ADGRL3: variants seen among roughly 807,000 people sequenced by gnomAD.
ADGRL3 encodes the protein calcium-independent alpha-latrotoxin receptor 3.
Under a neutral mutation model 153.5 loss-of-function variants are expected in ADGRL3, and 62 were observed. The ratio of observed to expected loss-of-function variants is 0.40; its 90% CI spans 0.33 to 0.50. ADGRL3 has a LOEUF of 0.50. Among genes scored for constraint, ADGRL3 ranks in the 20% least tolerant of loss-of-function variants. The pLI, the probability that ADGRL3 is intolerant of heterozygous loss-of-function variation, is 0.47. For missense variants in ADGRL3, 1,641 were observed against 1,859.4 expected (o/e 0.88, Z 2.16); for synonymous variants, 710 against 672.5 (o/e 1.06, Z -0.86).
intron 5 of ADGRL3, among the ~76,000 whole-genome samples, chr4:61,635,044 A>G (rs532178656): frequency 2.5e-4 from 38 of 152,132 alleles, no homozygotes; most frequent in Non-Finnish European, 5.0e-4. Flanking sequence ...GAGCAGGCGT[A>G]CTGAGTCTAC....
intron 1 of ADGRL3, among the ~76,000 whole-genome samples, chr4:61,216,773 G>A (rs898072220): frequency 6.6e-6 from 1 of 152,154 alleles, no homozygotes; most frequent in Non-Finnish European, 1.5e-5. Context: ...CACTGGAAAA[G>A]TTACTTCACT....
intron 13 of ADGRL3, among the ~76,000 whole-genome samples, chr4:61,922,706 T>C (rs996160810): frequency 6.6e-6 from 1 of 152,182 alleles, no homozygotes; most frequent in African/African-American, 2.4e-5. Context: ...GATTTATTCA[T>C]TCATTCAATC....
chr4:61,392,719 T>TAAAAAAAAAAA (rs2096827304), intron 2 of ADGRL3, among the ~76,000 whole-genome samples: 1 of 61,510 alleles, frequency 1.6e-5, no homozygotes, highest in Non-Finnish European at 3.5e-5. Flanking sequence ...AAAAGGAAAA[T>TAAAAAAAAAAA]AAAGAAAGAG....
chr4:61,496,591 G>A (rs560762954), intron 2 of ADGRL3, among the ~76,000 whole-genome samples: 7 of 151,844 alleles, frequency 4.6e-5, no homozygotes, highest in Non-Finnish European at 1.0e-4. Flanking sequence ...GCAGTGAGCC[G>A]AGATCGTGCC....
chr4:61,684,406 T>A (rs940269666), intron 6 of ADGRL3, among the ~76,000 whole-genome samples: 1 of 152,084 alleles, frequency 6.6e-6, no homozygotes, highest in Non-Finnish European at 1.5e-5. Flanking sequence ...TCCTAGACAG[T>A]CTCATCAGGA....
intron 5 of ADGRL3, among the ~76,000 whole-genome samples, chr4:61,644,273 T>TTTTGTG (rs567743767): frequency 4.7e-5 from 7 of 149,414 alleles, no homozygotes; most frequent in African/African-American, 1.2e-4. Context: ...GAAGGGTTTT[T>TTTTGTG]TGTGTCTCTA....
At chr4:61,377,226 C>T (rs1305538820) in intron 1 of ADGRL3, among the ~76,000 whole-genome samples, 1 of 152,026 alleles carries the variant, frequency 6.6e-6, no homozygotes, top group Non-Finnish European at 1.5e-5. Flanking sequence ...CTATCCTACC[C>T]TACCTTATAT....
intron 5 of ADGRL3, among the ~76,000 whole-genome samples, chr4:61,663,195 G>T (rs1486866415): frequency 6.6e-6 from 1 of 152,192 alleles, no homozygotes; most frequent in Non-Finnish European, 1.5e-5. Flanking sequence ...TGTGGGTGAT[G>T]GGAAGGAGAG....
chr4:61,897,120 T>C (rs2098636205), intron 11 of ADGRL3, among the ~76,000 whole-genome samples: 1 of 152,170 alleles, frequency 6.6e-6, no homozygotes, highest in African/African-American at 2.4e-5. Flanking sequence ...CAAAAGATAA[T>C]TCCTTTCAAA....
intron 8 of ADGRL3, among the ~76,000 whole-genome samples, chr4:61,749,464 A>G (rs12646006): frequency 0.58 from 88,220 of 152,070 alleles, 28,032 homozygotes; most frequent in African/African-American, 0.83. Flanking sequence ...CCAACCAAAT[A>G]TCCAACAATG....
At chr4:61,242,440 C>G (rs1015935713) in intron 1 of ADGRL3, among the ~76,000 whole-genome samples, 7 of 151,916 alleles carry the variant, frequency 4.6e-5, no homozygotes, top group Non-Finnish European at 7.4e-5. Context: ...CTGTTTGAAG[C>G]CTTCTGCAAT....
At chr4:61,900,431 A>G (rs1388134039) in intron 11 of ADGRL3, among the ~76,000 whole-genome samples, 1 of 152,202 alleles carries the variant, frequency 6.6e-6, no homozygotes, top group Admixed American at 6.5e-5. Context: ...GTGTGACACT[A>G]AAGAGTGGAT....
intron 23 of ADGRL3, among the ~76,000 whole-genome samples, chr4:62,035,666 G>C (rs938734486): frequency 1.3e-5 from 2 of 151,994 alleles, no homozygotes; most frequent in Non-Finnish European, 2.9e-5. Flanking sequence ...CACAAAGAAG[G>C]AGATAATTAA....
In ADGRL3 at chr4:61,229,536, A is replaced by T. The variant is rs200749337; in HGVS notation, c.-240+27771A>T. On this transcript the variant is annotated intron_variant, in intron 1 of 26. Coordinates refer to ENST00000683033, the MANE Select transcript of ADGRL3 (RefSeq NM_001387552.1). ...CTCTGGAAGTACTGCTTTTTTTTTT[A>T]AACTGTTTTCTTTTAATCCTGTATT... Among the ~76,000 whole-genome samples, 166 of 133,248 alleles carry T rather than the reference A, an allele frequency of 1.2e-3. 4 individuals carry two copies. In the East Asian group the frequency reaches 0.034, roughly 27 times the overall value. The allele number at this position is 133,248 out of a possible 152,430, so 87.4% of individuals were successfully genotyped here.
chr4:61,794,126 G>T (rs2097377231), intron 8 of ADGRL3, among the ~76,000 whole-genome samples: 2 of 152,178 alleles, frequency 1.3e-5, no homozygotes, highest in Non-Finnish European at 2.9e-5. Context: ...TTGCCCTTGA[G>T]AGAACCAGGT....
chr4:61,719,021 A>G (rs2096183019), intron 6 of ADGRL3, among the ~76,000 whole-genome samples: 1 of 152,164 alleles, frequency 6.6e-6, no homozygotes, highest in South Asian at 2.1e-4. Flanking sequence ...CTGTGTTTCT[A>G]TTTGTTTTAA....
chr4:61,895,040 C>T (rs915595756), intron 10 of ADGRL3, among the ~76,000 whole-genome samples: 1 of 152,154 alleles, frequency 6.6e-6, no homozygotes, highest in Non-Finnish European at 1.5e-5. Context: ...CTGGAATATC[C>T]TTTTCCACCT....
intron 2 of ADGRL3, among the ~76,000 whole-genome samples, chr4:61,450,270 C>A (rs187928771): frequency 6.6e-6 from 1 of 152,024 alleles, no homozygotes; most frequent in Non-Finnish European, 1.5e-5. Context: ...TTTTAAAAAT[C>A]CCTGAAATTA....
At chr4:61,712,798 A>G (rs1298321869) in intron 6 of ADGRL3, among the ~76,000 whole-genome samples, 2 of 152,210 alleles carry the variant, frequency 1.3e-5, no homozygotes, top group African/African-American at 4.8e-5. Context: ...TGTCTTATAT[A>G]TTCATCACTG....
Sources: gnomAD v4.1 joint callset for allele counts (sites outside exome capture counted in the v4.1 genomes callset) on GRCh38, gnomAD v4.1.1 for gene constraint, MANE v1.5 for transcripts, NCBI Gene and HGNC (gene_info 2026-07-23, HGNC 2026-07-21) for gene names.